SLC44A2: variants seen among roughly 807,000 people sequenced by gnomAD.
SLC44A2 encodes the protein solute carrier family 44 member 2 (CTL2 blood group).
Under a neutral mutation model 90.8 loss-of-function variants are expected in SLC44A2, and 57 were observed. The ratio of observed to expected loss-of-function variants is 0.63; its 90% CI spans 0.51 to 0.78. The LOEUF is 0.78. Ranked by LOEUF, SLC44A2 falls within the 30% of genes least tolerant of loss-of-function variation. SLC44A2 has a pLI of 0.00. For synonymous variants in SLC44A2, 355 were observed against 360.7 expected, an observed-to-expected ratio of 0.98 and a Z score of 0.18; for missense variants, 794 against 919.7, an observed-to-expected ratio of 0.86 and a Z score of 1.77.
upstream of SLC44A2, chr19:10,602,471 C>A (rs1917986878): frequency 4.3e-6 from 5 of 1,151,812 alleles, no homozygotes; most frequent in South Asian, 1.2e-4. Flanking sequence ...CGCGGAGCCT[C>A]CCGCCCGCCC....
chr19:10,636,878 T>A lies in SLC44A2; in HGVS notation c.1591+122T>A, dbSNP rs2067062339. ...ATAATAGAGCAGTGATGGGTTTCTG[T>A]CTATGACGGGGTGGAGTTCAGGAGT... is the stretch of plus-strand genomic sequence containing the variant. On this transcript the variant is annotated intron_variant, in intron 16 of 21. Transcript: ENST00000335757. 2.9e-6 allele frequency: 3 copies of A among 1,035,112 alleles called. No individual in the cohort carries two copies. In the African/African-American group the frequency reaches 4.8e-5, roughly 17 times the overall value. The allele number at this position is 1,035,112 out of a possible 1,614,324, so 64.1% of individuals were successfully genotyped here. A position where few individuals can be genotyped will look rare whatever the true frequency, so the allele number is the denominator to read the frequency against.
chr19:10,615,800 A>T (rs2066850519), intron 1 of SLC44A2, among the ~76,000 whole-genome samples: 1 of 152,018 alleles, frequency 6.6e-6, no homozygotes, highest in African/African-American at 2.4e-5. Context: ...CACCATGGGC[A>T]CCTTCTTTCT....
At chr19:10,637,395 C>A in intron 16 of SLC44A2, 1 of 502,916 alleles carries the variant, frequency 2.0e-6, no homozygotes, top group Middle Eastern at 5.5e-4. Context: ...AGAGGAAGGG[C>A]TCTGGGGCTG....
At chr19:10,613,605 G>GTA (rs2066830973) in intron 1 of SLC44A2, among the ~76,000 whole-genome samples, 1 of 152,136 alleles carries the variant, frequency 6.6e-6, no homozygotes, top group African/African-American at 2.4e-5. Context: ...CAAGCACTTT[G>GTA]GGAGGCTAAG....
In SLC44A2 at chr19:10,641,413, A is replaced by C. The variant is rs556803226; in HGVS notation, c.1930-954A>C. ...TGTCTCAAAAAAAAAACAAAAAAAA[A>C]ACGCCCACTCTAGGTGTCGTAGGTG... On this transcript the variant is annotated intron_variant, in intron 20 of 21. Transcript: ENST00000335757. The C allele has an allele frequency of 2.4e-5, 11 of 449,966 alleles. No individual in the cohort carries two copies. In the Admixed American group the frequency reaches 2.4e-4, roughly 10 times the overall value. The allele number at this position is 449,966 out of a possible 1,614,324, so 27.9% of individuals were successfully genotyped here. A position where few individuals can be genotyped will look rare whatever the true frequency, so the allele number is the denominator to read the frequency against.
rs1198187093 is a variant in SLC44A2, at chr19:10,638,863, G to A, written c.1929+548G>A. 2.7e-5 allele frequency among the ~76,000 whole-genome samples: 4 copies of A among 150,572 alleles called. No individual in the cohort carries two copies. In the East Asian group the frequency reaches 7.8e-4, roughly 29 times the overall value. ...TGCCCAGGCTGGAGTGCAATAGGGT[G>A]ATCTCAGCTCACTGCAACCTCCGCC... On this transcript the variant is annotated intron_variant, in intron 20 of 21. Coordinates refer to ENST00000335757, the MANE Select transcript of SLC44A2 (RefSeq NM_020428.4).
At chr19:10,626,223 C>A in intron 1 of SLC44A2, 30 bp from the exon 2 acceptor site, 5 of 1,597,190 alleles carry the variant, frequency 3.1e-6, no homozygotes, top group Non-Finnish European at 4.3e-6. Context: ...GGTCTCCAAT[C>A]CCATCCATCT....
At chr19:10,604,656 C>T (rs959798393) in intron 1 of SLC44A2, among the ~76,000 whole-genome samples, 12 of 152,060 alleles carry the variant, frequency 7.9e-5, no homozygotes, top group Admixed American at 2.0e-4. Flanking sequence ...TGGGTGAGTC[C>T]GTGACCTCTC....
At chr19:10,627,860 T>G (rs1599243937) in intron 3 of SLC44A2, 60 bp from the exon 4 acceptor site, 1 of 1,610,674 alleles carries the variant, frequency 6.2e-7, no homozygotes, top group African/African-American at 1.3e-5. Flanking sequence ...GCCTCTGGAG[T>G]GGGAACAGGG....
chr19:10,630,592 C>T (rs1282482729), intron 4 of SLC44A2, among the ~76,000 whole-genome samples: 1 of 147,138 alleles, frequency 6.8e-6, no homozygotes, highest in Non-Finnish European at 1.5e-5. Flanking sequence ...ACCCAGGAGG[C>T]GGAGGTTGTA....
chr19:10,628,097 C>T, intron 4 of SLC44A2, 93 bp downstream of exon 4: 1 of 1,200,412 alleles, frequency 8.3e-7, no homozygotes, highest in Non-Finnish European at 1.2e-6. Context: ...TTAACAAGTG[C>T]TTATAGGCTG....
At chr19:10,605,686 CAA>C (rs201090878) in intron 1 of SLC44A2, among the ~76,000 whole-genome samples, 2 of 133,722 alleles carry the variant, frequency 1.5e-5, no homozygotes. Context: ...GACTCCGTCT[CAA>C]AAAAAAAAAA....
chr19:10,636,106 A>G (rs936772303), intron 14 of SLC44A2: 4 of 582,594 alleles, frequency 6.9e-6, no homozygotes, highest in African/African-American at 1.9e-5. Flanking sequence ...TCCTGTCTCC[A>G]TGCCCTCTTC....
chr19:10,643,842 G>GC lies in SLC44A2; in HGVS notation c.*459dup, dbSNP rs2067143165. On this transcript the variant is annotated 3_prime_UTR_variant, in exon 22 of 22. Transcript: ENST00000335757. ...CCACACCTGAACAGTTGGCTCAAGG[G>GC]CCACCAGAAGCATTTCTTTATTATT... is the stretch of plus-strand genomic sequence containing the variant. 6.5e-6 allele frequency: 1 copy of GC among 153,550 alleles called. No homozygotes were observed. Among genetic ancestry groups the GC allele is most frequent in the South Asian group, 2.0e-4 (1 of 4,940 alleles). 9.5% of individuals were successfully genotyped at this position (153,550 alleles called of 1,614,324 possible).
At chr19:10,622,369 A>T (rs905297538), upstream of SLC44A2, among the ~76,000 whole-genome samples, 4 of 152,078 alleles carry the variant, frequency 2.6e-5, no homozygotes, top group African/African-American at 9.6e-5. Context: ...CAGAGCAGGG[A>T]TGTGTCCTGA....
intron 1 of SLC44A2, among the ~76,000 whole-genome samples, chr19:10,611,375 C>G (rs1397438679): frequency 6.6e-6 from 1 of 152,108 alleles, no homozygotes; most frequent in Non-Finnish European, 1.5e-5. Flanking sequence ...TTGCTTGAAC[C>G]TGGGCAGCAG....
intron 10 of SLC44A2, among the ~76,000 whole-genome samples, chr19:10,634,137 ATTT>A (rs1177075276): frequency 1.0e-4 from 8 of 80,310 alleles, no homozygotes; most frequent in East Asian, 3.8e-4. Context: ...CGCCCAGCTA[ATTT>A]TTTTTTTTTT....
chr19:10,634,668 T>C, intron 10 of SLC44A2, 88 bp from the exon 11 acceptor site: 3 of 1,584,800 alleles, frequency 1.9e-6, no homozygotes, highest in South Asian at 1.1e-5. Context: ...AGCCTCGATG[T>C]TTGCTTCTGT....
In SLC44A2 at chr19:10,619,920, A is replaced by G. The variant is rs532193425; in HGVS notation, c.32-6333A>G. 2.0e-5 allele frequency among the ~76,000 whole-genome samples: 3 copies of G among 152,088 alleles called. No homozygotes were observed. In the East Asian group the frequency reaches 5.8e-4, roughly 29 times the overall value. On this transcript the variant is annotated intron_variant, in intron 1 of 21. Coordinates refer to the SLC44A2 transcript ENST00000407327. ...CAGTGAGCCAAGATCATGCCACTGC[A>G]CTCCAGCCTGGGTGACAGAGCGAGA...
Sources: allele counts gnomAD v4.1 joint callset (sites outside exome capture counted in the v4.1 genomes callset), GRCh38; gene constraint gnomAD v4.1.1; transcripts MANE v1.5; gene names NCBI Gene and HGNC (gene_info 2026-07-23, HGNC 2026-07-21).